Variants in PRKCE observed in about 807,000 individuals in gnomAD.
The protein encoded by PRKCE is protein kinase C epsilon type.
In PRKCE, 16 loss-of-function variants were observed where a neutral mutation model predicts 85.4. That is an observed-to-expected ratio of 0.19 (90% CI 0.13 to 0.28). The LOEUF (loss-of-function observed/expected upper bound fraction) is 0.28. Among genes scored for constraint, PRKCE ranks in the 10% least tolerant of loss-of-function variants. PRKCE has a pLI of 1.00. For missense variants in PRKCE, 573 were observed against 975.2 expected (o/e 0.59, Z 5.49); for synonymous variants, 388 against 371.5 (o/e 1.04, Z -0.51).
intron 1 of PRKCE, among the ~76,000 whole-genome samples, chr2:45,748,151 C>T (rs1683284048): frequency 6.6e-6 from 1 of 152,152 alleles, no homozygotes; most frequent in African/African-American, 2.4e-5. Context: ...TATAGGAGTC[C>T]ACATCTGAAG....
chr2:46,026,116 A>G (rs150796249), intron 10 of PRKCE, among the ~76,000 whole-genome samples: 53 of 152,352 alleles, frequency 3.5e-4, no homozygotes, highest in Non-Finnish European at 6.8e-4. Flanking sequence ...TGAAGACACT[A>G]TTGAGCATGA....
At chr2:45,828,269 C>A (rs917827434) in intron 1 of PRKCE, among the ~76,000 whole-genome samples, 1 of 152,186 alleles carries the variant, frequency 6.6e-6, no homozygotes, top group Admixed American at 6.5e-5. Context: ...CTGTTGAAAA[C>A]TCTATTGATA....
intron 1 of PRKCE, among the ~76,000 whole-genome samples, chr2:45,760,660 T>C (rs1437290164): frequency 6.6e-6 from 1 of 152,184 alleles, no homozygotes; most frequent in African/African-American, 2.4e-5. Context: ...CTTAGAATCA[T>C]TTTCTTGAAG....
chr2:46,040,728 A>G (rs2105002770), intron 10 of PRKCE, among the ~76,000 whole-genome samples: 1 of 152,326 alleles, frequency 6.6e-6, no homozygotes, highest in South Asian at 2.1e-4. Flanking sequence ...GTAATGATGG[A>G]AAGAGATCTG....
intron 1 of PRKCE, among the ~76,000 whole-genome samples, chr2:45,828,796 G>A (rs1690165751): frequency 6.6e-6 from 1 of 151,984 alleles, no homozygotes; most frequent in African/African-American, 2.4e-5. Context: ...AAAAGCTATA[G>A]TAGAAGGTAG....
At chr2:45,682,776 G>A (rs888207032) in intron 1 of PRKCE, among the ~76,000 whole-genome samples, 30 of 152,122 alleles carry the variant, frequency 2.0e-4, no homozygotes, top group East Asian at 3.9e-4. Flanking sequence ...TAGTAGAAAC[G>A]GGGTTTCATC....
intron 2 of PRKCE, among the ~76,000 whole-genome samples, chr2:45,924,878 G>A (rs1404493515): frequency 6.6e-6 from 1 of 152,200 alleles, no homozygotes; most frequent in African/African-American, 2.4e-5. Flanking sequence ...CCAAAGCCAG[G>A]CCTGGGCTTG....
chr2:45,760,631 T>G (rs1162711201), intron 1 of PRKCE, among the ~76,000 whole-genome samples: 1 of 152,216 alleles, frequency 6.6e-6, no homozygotes, highest in Non-Finnish European at 1.5e-5. Flanking sequence ...TTAGGGGCTC[T>G]GGCTTGATGT....
At chr2:45,966,319 C>T (rs543556614) in intron 2 of PRKCE, among the ~76,000 whole-genome samples, 1 of 152,278 alleles carries the variant, frequency 6.6e-6, no homozygotes, top group South Asian at 2.1e-4. Context: ...GATACTATCT[C>T]GCACGTGTGT....
intron 1 of PRKCE, among the ~76,000 whole-genome samples, chr2:45,803,717 A>G (rs571038013): frequency 1.3e-5 from 2 of 152,354 alleles, no homozygotes; most frequent in South Asian, 4.1e-4. Context: ...ACTGTGGGTT[A>G]TGCTCAATTT....
chr2:45,984,118 A>C (rs1318285522), intron 5 of PRKCE, among the ~76,000 whole-genome samples: 2 of 151,744 alleles, frequency 1.3e-5, no homozygotes. Context: ...TTGTGTTTTT[A>C]GTAGAGACAG....
chr2:45,830,587 A>T (rs1269462384), intron 1 of PRKCE, among the ~76,000 whole-genome samples: 1 of 152,244 alleles, frequency 6.6e-6, no homozygotes, highest in Non-Finnish European at 1.5e-5. Flanking sequence ...CATGACAAAG[A>T]ACAAATAGAA....
intron 6 of PRKCE, among the ~76,000 whole-genome samples, chr2:45,995,793 G>A (rs957110923): frequency 1.3e-5 from 2 of 152,092 alleles, no homozygotes; most frequent in African/African-American, 2.4e-5. Context: ...TCAGTCTTCT[G>A]ACTTCGTTCT....
At chr2:46,096,988 G>GT (rs1670750362) in intron 11 of PRKCE, among the ~76,000 whole-genome samples, 1 of 152,188 alleles carries the variant, frequency 6.6e-6, no homozygotes, top group Non-Finnish European at 1.5e-5. Flanking sequence ...TGCCTGAGGA[G>GT]TTACAGGTAC....
chr2:46,069,574 G>C (rs967150420), intron 10 of PRKCE, among the ~76,000 whole-genome samples: 1 of 152,130 alleles, frequency 6.6e-6, no homozygotes, highest in African/African-American at 2.4e-5. Flanking sequence ...AGGAAATTCA[G>C]GTTTCCATGT....
rs771452653 is a variant in PRKCE at position 46,010,373 on chromosome 2, T to A, written c.1293T>A (p.Asp431Glu). The change falls in exon 10 of 15, where the codon GAT becomes GAA. Residue 431 changes from aspartate to glutamate, a missense_variant. Asp to Glu is a conservative substitution (Grantham distance 45, BLOSUM62 2). Around this residue, in one of 11 missense-constraint regions of PRKCE, gnomAD observed 89 missense variants for 154.1 expected, o/e 0.58. Coordinates refer to ENST00000306156, the MANE Select transcript of PRKCE (RefSeq NM_005400.3). ...TGTTGGCAGAACTCAAGGGCAAAGA[T>A]GAAGTATATGCTGTGAAGGTCTTAA... ...KVMLAELKGKDEVYAVKVLKK... is the reference protein window; with the variant it reads ...KVMLAELKGKEEVYAVKVLKK... The A allele has an allele frequency of 6.3e-7, 1 of 1,597,518 alleles. No homozygotes were observed.
chr2:45,730,707 G>A (rs754434046), intron 1 of PRKCE, among the ~76,000 whole-genome samples: 6 of 151,782 alleles, frequency 4.0e-5, no homozygotes, highest in Admixed American at 6.6e-5. Context: ...CTATCTACCC[G>A]CCTCAGCCTC....
At chr2:45,695,741 A>G (rs1161358462) in intron 1 of PRKCE, among the ~76,000 whole-genome samples, 6 of 152,352 alleles carry the variant, frequency 3.9e-5, no homozygotes, top group Admixed American at 3.9e-4. Context: ...ACTGAACTCC[A>G]GCCTGGGCAA....
At chr2:45,983,046 C>G (rs1034739323) in intron 5 of PRKCE, among the ~76,000 whole-genome samples, 1 of 152,222 alleles carries the variant, frequency 6.6e-6, no homozygotes, top group Non-Finnish European at 1.5e-5. Context: ...CATTCACAAA[C>G]AGGCACACCT....
Sources: allele counts gnomAD v4.1 joint callset (sites outside exome capture counted in the v4.1 genomes callset), GRCh38; gene constraint gnomAD v4.1.1; regional missense constraint gnomAD v4.1.1; transcripts MANE v1.5; gene names NCBI Gene and HGNC (gene_info 2026-07-23, HGNC 2026-07-21).